Variants in PNLDC1 observed in about 807,000 individuals in gnomAD.
PNLDC1 encodes poly(A)-specific ribonuclease PNLDC1.
PNLDC1 carries 70 observed loss-of-function variants against 82.0 expected under a neutral mutation model. The observed-to-expected ratio is 0.85, with a 90% CI of 0.70 to 1.04. The LOEUF is 1.04. Ranked by LOEUF, PNLDC1 falls within the 50% of genes least tolerant of loss-of-function variation. The pLI, the probability that PNLDC1 is intolerant of heterozygous loss-of-function variation, is 0.00. For synonymous variants in PNLDC1, 280 were observed against 249.3 expected, an observed-to-expected ratio of 1.12 and a Z score of -1.16; for missense variants, 631 against 661.1, an observed-to-expected ratio of 0.95 and a Z score of 0.50.
chr6:159,813,029 GAAA>G (rs758224416), intron 11 of PNLDC1, among the ~76,000 whole-genome samples: 87 of 117,068 alleles, frequency 7.4e-4, no homozygotes, highest in Admixed American at 3.6e-3. Flanking sequence ...GTCTCAAGGG[GAAA>G]AAAAACAACA....
At chr6:159,802,842 C>G (rs1338755324) in intron 3 of PNLDC1, among the ~76,000 whole-genome samples, 1 of 151,110 alleles carries the variant, frequency 6.6e-6, no homozygotes, top group Non-Finnish European at 1.5e-5. Flanking sequence ...CTAGGTCTCC[C>G]AAAGTGTTGG....
intron 3 of PNLDC1, among the ~76,000 whole-genome samples, 176 bp downstream of exon 3, chr6:159,801,362 T>C (rs1781247798): frequency 6.6e-6 from 1 of 152,244 alleles, no homozygotes; most frequent in African/African-American, 2.4e-5. Flanking sequence ...GCAAACCAAA[T>C]TTAGCAGCAT....
At chr6:159,806,213 G>C in intron 7 of PNLDC1, 130 bp downstream of exon 7, 4 of 707,922 alleles carry the variant, frequency 5.7e-6, no homozygotes, top group Non-Finnish European at 1.0e-5. Flanking sequence ...TCTGATGCAA[G>C]CATTTGTTTG....
chr6:159,818,977 G>C lies in PNLDC1; in HGVS notation c.1289G>C (p.Arg430Pro), dbSNP rs772770597. Reference protein sequence around the residue: ...NFSGPDYPSIRPPILILSVKR... With the variant: ...NFSGPDYPSIPPPILILSVKR... ...TCTGGTCCAGATTATCCCAGTATCC[G>C]ACCTCCCATCCTCATCCTCAGCGTC... The change falls in exon 17 of 19, where the codon CGA becomes CCA. Residue 430 changes from arginine to proline, a missense_variant. Coordinates refer to ENST00000392167, the MANE Select transcript of PNLDC1 (RefSeq NM_001271862.2). The C allele has an allele frequency of 6.2e-7, 1 of 1,613,760 alleles. No individual in the cohort carries two copies. Among genetic ancestry groups the C allele is most frequent in the African/African-American group, 1.3e-5 (1 of 74,844 alleles).
intron 3 of PNLDC1, among the ~76,000 whole-genome samples, chr6:159,802,339 A>C (rs1781290352): frequency 6.6e-6 from 1 of 150,738 alleles, no homozygotes; most frequent in South Asian, 2.1e-4. Flanking sequence ...GGCTGGGCTC[A>C]AACTTTTGGG....
chr6:159,809,128 C>CT lies in PNLDC1; in HGVS notation c.758dup (p.Gln254ProfsTer14). On this transcript the variant is annotated frameshift_variant, in exon 9 of 19. Transcript: ENST00000392167. LOFTEE classifies it high-confidence loss of function. ...TTCTCTCAGCAAGGGGTTTTTCTGT[C>CT]TTTTTCCAAATGCTGGTGAAAGCCC... The CT allele has an allele frequency of 6.2e-7, 1 of 1,614,022 alleles. No individual in the cohort carries two copies. The highest frequency in any genetic ancestry group is 8.5e-7 in the Non-Finnish European group (1 of 1,179,996).
chr6:159,813,945 T>C (rs139216368), intron 12 of PNLDC1, among the ~76,000 whole-genome samples: 3 of 152,222 alleles, frequency 2.0e-5, no homozygotes, highest in Non-Finnish European at 4.4e-5. Context: ...CACCAGCAAA[T>C]GGAGCACCTT....
intron 3 of PNLDC1, among the ~76,000 whole-genome samples, chr6:159,802,344 T>C (rs1465127086): frequency 2.0e-5 from 3 of 151,268 alleles, no homozygotes; most frequent in Non-Finnish European, 4.4e-5. Flanking sequence ...GGCTCAAACT[T>C]TTGGGCTCTG....
At chr6:159,820,325 C>A in intron 18 of PNLDC1, 129 bp from the exon 19 acceptor site, 1 of 854,490 alleles carries the variant, frequency 1.2e-6, no homozygotes, top group South Asian at 1.5e-5. Flanking sequence ...TCAGTGTTGT[C>A]GTCGGGAGAG....
At chr6:159,816,351 A>G (rs1781827649) in intron 13 of PNLDC1, among the ~76,000 whole-genome samples, 192 bp from the exon 14 acceptor site, 1 of 151,050 alleles carries the variant, frequency 6.6e-6, no homozygotes, top group African/African-American at 2.4e-5. Flanking sequence ...CTTAGTCTAT[A>G]AGGCAGCTCT....
chr6:159,800,461 G>C, intron 1 of PNLDC1, 78 bp downstream of exon 1: 8 of 1,473,480 alleles, frequency 5.4e-6, no homozygotes, highest in Non-Finnish European at 7.3e-6. Context: ...GTGGCGGGAC[G>C]GTTGCCAGGC....
intron 7 of PNLDC1, among the ~76,000 whole-genome samples, chr6:159,807,686 C>T (rs936965896): frequency 1.3e-5 from 2 of 152,184 alleles, no homozygotes; most frequent in Non-Finnish European, 2.9e-5. Flanking sequence ...GCTATCTTAT[C>T]TCATAGATAA....
chr6:159,800,451 G>A, intron 1 of PNLDC1, 68 bp downstream of exon 1: 1 of 1,493,340 alleles, frequency 6.7e-7, no homozygotes, highest in South Asian at 1.2e-5. Flanking sequence ...TGAGGAGGGG[G>A]TGGCGGGACG....
chr6:159,803,173 C>A, intron 3 of PNLDC1, 98 bp from the exon 4 acceptor site: 1 of 1,075,658 alleles, frequency 9.3e-7, no homozygotes, highest in Non-Finnish European at 1.4e-6. Flanking sequence ...CACATAGTAT[C>A]TGTGGGCGCA....
chr6:159,805,891 A>G (rs6910976), intron 6 of PNLDC1, 92 bp from the exon 7 acceptor site: 210,978 of 899,852 alleles, frequency 0.23, 25,709 homozygotes, highest in East Asian at 0.38. Context: ...CATGAAAACC[A>G]GAGGGTTCAG....
chr6:159,816,288 C>T (rs1034430157), intron 13 of PNLDC1, among the ~76,000 whole-genome samples: 1 of 150,322 alleles, frequency 6.7e-6, no homozygotes, highest in Non-Finnish European at 1.5e-5. Flanking sequence ...ATGAGCGAGC[C>T]CAGAATGCAT....
In PNLDC1 at chr6:159,811,729, C is replaced by T. The variant is rs141399389; in HGVS notation, c.882C>T (p.Ile294=). Residue 294 remains isoleucine, a synonymous_variant, in exon 11 of 19, where the codon ATC becomes ATT. Coordinates refer to ENST00000392167, the MANE Select transcript of PNLDC1 (RefSeq NM_001271862.2). The part of the protein sequence containing the change: ...PESYDQFKQN[I]HSLFPVLIDT... ...GCTACGATCAATTTAAGCAGAATAT[C>T]CACAGCCTATTTCCTGTTCTCATTG... is the stretch of plus-strand genomic sequence containing the variant. 181 of 1,613,628 alleles carry T rather than the reference C, an allele frequency of 1.1e-4. No homozygotes were observed. Among genetic ancestry groups the T allele is most frequent in the Non-Finnish European group, 1.5e-4 (174 of 1,179,684 alleles).
At chr6:159,817,411 A>T (rs1160482027) in intron 15 of PNLDC1, among the ~76,000 whole-genome samples, 1 of 152,244 alleles carries the variant, frequency 6.6e-6, no homozygotes, top group East Asian at 1.9e-4. Flanking sequence ...CAGGAGGCCA[A>T]GGCAGTGGGG....
In PNLDC1 at chr6:159,803,958, A is replaced by AT; in HGVS notation, c.249-5dup. The AT allele has an allele frequency of 6.2e-7, 1 of 1,608,652 alleles. No individual in the cohort carries two copies. Among genetic ancestry groups the AT allele is most frequent in the East Asian group, 2.2e-5 (1 of 44,852 alleles). ...GGCTTTTTCTCTGTATGTTTGTTTT[A>AT]TTATAGGTATATAGCCCATTCTTGT... On this transcript the variant is annotated splice_region_variant and splice_polypyrimidine_tract_variant and intron_variant, in intron 4 of 18. Transcript: ENST00000392167.
Sources: gnomAD v4.1 joint callset for allele counts (sites outside exome capture counted in the v4.1 genomes callset) on GRCh38, gnomAD v4.1.1 for gene constraint, MANE v1.5 for transcripts, NCBI Gene and HGNC (gene_info 2026-07-23, HGNC 2026-07-21) for gene names.